Variants in NR2F1-AS1 observed in about 807,000 individuals in gnomAD.
The protein encoded by NR2F1-AS1 is NR2F1 antisense RNA 1.
At chr5:93,487,786 C>T (rs987893413) in intron 4 of NR2F1-AS1, among the ~76,000 whole-genome samples, 4 of 152,028 alleles carry the variant, frequency 2.6e-5, no homozygotes, top group Non-Finnish European at 5.9e-5. Flanking sequence ...GTATAGCCAA[C>T]ACAATCCTAA....
intron 4 of NR2F1-AS1, among the ~76,000 whole-genome samples, chr5:93,511,195 T>C (rs1335096559): frequency 1.3e-5 from 2 of 152,128 alleles, no homozygotes; most frequent in East Asian, 1.9e-4. Flanking sequence ...GTAAAGTACA[T>C]TGCCCTCCCC....
intron 4 of NR2F1-AS1, among the ~76,000 whole-genome samples, chr5:93,469,443 G>A (rs1750319217): frequency 6.6e-6 from 1 of 152,092 alleles, no homozygotes; most frequent in Non-Finnish European, 1.5e-5. Context: ...ACATCACGCA[G>A]TGCATTACCT....
intron 4 of NR2F1-AS1, among the ~76,000 whole-genome samples, chr5:93,517,021 A>G (rs1325305067): frequency 6.6e-6 from 1 of 151,950 alleles, no homozygotes; most frequent in Non-Finnish European, 1.5e-5. Context: ...TTTTTATTGA[A>G]GAATAAAGAT....
At chr5:93,537,204 GA>G (rs151091724) in intron 4 of NR2F1-AS1, among the ~76,000 whole-genome samples, 4,034 of 152,164 alleles carry the variant, frequency 0.027, 91 homozygotes, top group Middle Eastern at 0.051. Context: ...GAAATTATTA[GA>G]AGAAAATATA....
chr5:93,546,465 C>G (rs1412502819), intron 4 of NR2F1-AS1, among the ~76,000 whole-genome samples: 1 of 152,062 alleles, frequency 6.6e-6, no homozygotes, highest in Non-Finnish European at 1.5e-5. Context: ...TGAAGCAAGT[C>G]AGAGGGAAAT....
In NR2F1-AS1 at chr5:93,445,013, A is replaced by G. The variant is rs544352301; in HGVS notation, n.639-49471T>C. Among the ~76,000 whole-genome samples, 4 of 152,348 alleles carry G rather than the reference A, an allele frequency of 2.6e-5. No individual in the cohort carries two copies. In the South Asian group the frequency reaches 8.3e-4, roughly 32 times the overall value. ...TTCTTTGAAACCAATAAGAACAAAG[A>G]CAAAACATACCAGAATCTCTGGGAC... On this transcript the variant is annotated intron_variant and non_coding_transcript_variant, in intron 4 of 5. Coordinates refer to ENST00000660523, the Ensembl canonical transcript of NR2F1-AS1.
intron 2 of NR2F1-AS1, among the ~76,000 whole-genome samples, chr5:93,558,283 C>T (rs1752406840): frequency 6.6e-6 from 1 of 151,584 alleles, no homozygotes; most frequent in African/African-American, 2.4e-5. Context: ...AGAGGAATCA[C>T]TACGTATGGC....
intron 4 of NR2F1-AS1, among the ~76,000 whole-genome samples, chr5:93,494,514 C>A (rs1027380044): frequency 1.3e-5 from 2 of 152,082 alleles, no homozygotes; most frequent in Admixed American, 1.3e-4. Context: ...TGCCTGTAAT[C>A]CAAGGCTCAA....
intron 4 of NR2F1-AS1, among the ~76,000 whole-genome samples, chr5:93,466,467 G>A (rs574283616): frequency 5.9e-5 from 9 of 151,722 alleles, no homozygotes; most frequent in South Asian, 2.1e-4. Context: ...CTTCCAAGTC[G>A]CTGGGACTAA....
chr5:93,499,987 AT>A (rs141622933), intron 4 of NR2F1-AS1, among the ~76,000 whole-genome samples: 1 of 152,332 alleles, frequency 6.6e-6, no homozygotes, highest in African/African-American at 2.4e-5. Context: ...CGAAAGAAAG[AT>A]TGGGAGCTAG....
intron 4 of NR2F1-AS1, among the ~76,000 whole-genome samples, chr5:93,508,210 T>A (rs941898272): frequency 6.6e-6 from 1 of 152,190 alleles, no homozygotes; most frequent in African/African-American, 2.4e-5. Context: ...ACAGCCATCA[T>A]CCTATTATAA....
chr5:93,511,925 T>C (rs1296388222), intron 4 of NR2F1-AS1, among the ~76,000 whole-genome samples: 1 of 152,174 alleles, frequency 6.6e-6, no homozygotes, highest in Non-Finnish European at 1.5e-5. Context: ...GTCTTCCACG[T>C]TTAGGTCCCT....
chr5:93,419,278 C>A (rs1749036467), intron 4 of NR2F1-AS1, among the ~76,000 whole-genome samples: 1 of 152,052 alleles, frequency 6.6e-6, no homozygotes, highest in African/African-American at 2.4e-5. Flanking sequence ...GAAAAAATAC[C>A]ACTGTGTATA....
intron 4 of NR2F1-AS1, among the ~76,000 whole-genome samples, chr5:93,466,912 G>T (rs1185430871): frequency 1.5e-5 from 2 of 134,246 alleles, no homozygotes; most frequent in Non-Finnish European, 3.3e-5. Context: ...TTTGGGGGGG[G>T]GGGGGGTGGA....
chr5:93,453,446 A>G (rs1341048274), intron 4 of NR2F1-AS1, among the ~76,000 whole-genome samples: 1 of 152,138 alleles, frequency 6.6e-6, no homozygotes, highest in African/African-American at 2.4e-5. Flanking sequence ...GATGCAAATC[A>G]GCTCAAGAAA....
chr5:93,578,915 G>A (rs1752956861), intron 1 of NR2F1-AS1, among the ~76,000 whole-genome samples: 1 of 152,192 alleles, frequency 6.6e-6, no homozygotes, highest in Admixed American at 6.5e-5. Context: ...GGACAAGTGT[G>A]CCAATTGGGA....
At chr5:93,464,545 G>C (rs2149865840) in intron 4 of NR2F1-AS1, among the ~76,000 whole-genome samples, 1 of 152,270 alleles carries the variant, frequency 6.6e-6, no homozygotes, top group East Asian at 1.9e-4. Context: ...GTGATTAACA[G>C]CACATGATTA....
upstream of NR2F1-AS1, among the ~76,000 whole-genome samples, chr5:93,582,892 C>G (rs1347619643): frequency 6.6e-6 from 1 of 151,996 alleles, no homozygotes; most frequent in Non-Finnish European, 1.5e-5. Flanking sequence ...AAACACACCC[C>G]CCTCCCTCAC....
At chr5:93,409,395 A>T (rs557106415) in intron 4 of NR2F1-AS1, 31 of 152,328 alleles carry the variant, frequency 2.0e-4, no homozygotes, top group Non-Finnish European at 3.4e-4. Context: ...CGTTCCAAGT[A>T]GATTGATTGT....
Sources: gnomAD v4.1 joint callset for allele counts (sites outside exome capture counted in the v4.1 genomes callset) on GRCh38, gnomAD v4.1.1 for gene constraint, MANE v1.5 for transcripts, NCBI Gene and HGNC (gene_info 2026-07-23, HGNC 2026-07-21) for gene names.